The following GNG5 variants were observed in gnomAD, a reference collection of about 807,000 sequenced individuals.
GNG5 encodes the protein G protein subunit gamma 5, also known as guanine nucleotide-binding protein G(I)/G(S)/G(O) subunit gamma-5.
Under a neutral mutation model 6.2 loss-of-function variants are expected in GNG5, and 2 were observed. The observed-to-expected ratio is 0.32, with a 90% CI of 0.13 to 1.01. The LOEUF (loss-of-function observed/expected upper bound fraction) is 1.01. Among genes scored for constraint, GNG5 ranks in the 50% least tolerant of loss-of-function variants. The probability of loss-of-function intolerance (pLI) is 0.48; values close to 1 mark genes in which losing one functional copy is unlikely to be tolerated. For missense variants in GNG5, 57 were observed against 80.2 expected (o/e 0.71, Z 1.10); for synonymous variants, 24 against 33.0 (o/e 0.73, Z 0.93).
intron 2 of GNG5, among the ~76,000 whole-genome samples, chr1:84,505,780 C>T (rs1036889368): frequency 1.3e-5 from 2 of 152,208 alleles, no homozygotes; most frequent in Non-Finnish European, 2.9e-5. Context: ...CAGCCCGCCT[C>T]GGAAAGTCCT....
chr1:84,503,242 TCA>T (rs1682092753), intron 2 of GNG5, among the ~76,000 whole-genome samples: 1 of 152,246 alleles, frequency 6.6e-6, no homozygotes, highest in African/African-American at 2.4e-5. Context: ...TATTTTATTC[TCA>T]GTCTTTATCC....
Position 84,501,870 on chromosome 1 carries a change from G to A in GNG5, c.182C>T (p.Pro61Leu), listed in dbSNP as rs752734195. 1 of 1,608,754 alleles carries A rather than the reference G, an allele frequency of 6.2e-7. No homozygotes were observed. The highest frequency in any genetic ancestry group is 8.5e-7 in the Non-Finnish European group (1 of 1,175,458). ...CTACAAAAAGGAACAGACTTTCTGGGGTCTGAAGGGATTTGTACTTGAAGA... is the reference window on the plus strand; with the variant it reads ...CTACAAAAAGGAACAGACTTTCTGGAGTCTGAAGGGATTTGTACTTGAAGA... ...GVSSSTNPFR[P>L]QKVCSFL The change falls in exon 3 of 4, where the codon CCC becomes CTC. Residue 61 changes from proline to leucine, a missense_variant. Transcript: ENST00000370645.
chr1:84,501,981 CAA>C lies in GNG5; in HGVS notation c.82-13_82-12del, dbSNP rs1398026477. 3 of 1,606,896 alleles carry C rather than the reference CAA, an allele frequency of 1.9e-6. No individual in the cohort carries two copies. The highest frequency in any genetic ancestry group is 2.6e-6 in the Non-Finnish European group (3 of 1,174,500). ...AGCTGCCTGGGAAACCTATACATAA[CAA>C]AGAGGGGGGGAAGTGCCAGATGGTG... is the stretch of plus-strand genomic sequence containing the variant. On this transcript the variant is annotated splice_polypyrimidine_tract_variant and intron_variant, in intron 2 of 3. Transcript: ENST00000370645.
chr1:84,501,810 A>T lies in GNG5; in HGVS notation c.*19+16T>A. On this transcript the variant is annotated intron_variant, in intron 3 of 3. Coordinates refer to ENST00000370645, the MANE Select transcript of GNG5 (RefSeq NM_005274.3). ...CCTACAGTGTGGGTTTTTGTTTTAA[A>T]TTTAAGGAAACTTACCTTTGAAAGA... is the stretch of plus-strand genomic sequence containing the variant. 6.4e-7 allele frequency: 1 copy of T among 1,557,834 alleles called. No individual in the cohort carries two copies. The highest frequency in any genetic ancestry group is 8.8e-7 in the Non-Finnish European group (1 of 1,132,010).
Position 84,505,999 on chromosome 1 carries a change from G to T in GNG5, c.81+12C>A. On this transcript the variant is annotated intron_variant, in intron 2 of 3. Transcript: ENST00000370645. ...CGCCTTCCTCCCGCCTCGGCCGCCC[G>T]CCCCCGCTCACTTTTACGCGGTTGA... The T allele has an allele frequency of 6.7e-7, 1 of 1,498,600 alleles. No homozygotes were observed. The highest frequency in any genetic ancestry group is 2.8e-5 in the East Asian group (1 of 35,192). 92.8% of individuals were successfully genotyped at this position (1,498,600 alleles called of 1,614,324 possible).
chr1:84,502,170 C>T (rs1206022353), intron 2 of GNG5, among the ~76,000 whole-genome samples, 200 bp from the exon 3 acceptor site: 2 of 128,772 alleles, frequency 1.6e-5, no homozygotes, highest in Non-Finnish European at 3.1e-5. Context: ...CGGAGTCTCA[C>T]TCTGTTGCCA....
rs981295892 is a variant in GNG5 at position 84,506,168 on chromosome 1, G to T, written c.-77C>A. On this transcript the variant is annotated 5_prime_UTR_variant, in exon 2 of 4. Coordinates refer to ENST00000370645, the MANE Select transcript of GNG5 (RefSeq NM_005274.3). ...GGTCGGCGGGGCCAGACAACTCAGCGGCGCGCGGCGGGGGCGGGGCTCCGA... is the reference window on the plus strand; with the variant it reads ...GGTCGGCGGGGCCAGACAACTCAGCTGCGCGCGGCGGGGGCGGGGCTCCGA... 4.2e-6 allele frequency: 5 copies of T among 1,201,022 alleles called. No individual in the cohort carries two copies. Among genetic ancestry groups the T allele is most frequent in the South Asian group, 3.0e-5 (2 of 66,232 alleles). The allele number at this position is 1,201,022 out of a possible 1,614,324, so 74.4% of individuals were successfully genotyped here.
intron 3 of GNG5, among the ~76,000 whole-genome samples, chr1:84,500,417 A>G (rs1234383442): frequency 6.6e-6 from 1 of 152,216 alleles, no homozygotes. Flanking sequence ...CAATTCATTT[A>G]AACACTTATC....
rs1191970211 is a variant in GNG5, at chr1:84,501,835, AT to A, written c.*9del. On this transcript the variant is annotated 3_prime_UTR_variant, in exon 3 of 4. Transcript: ENST00000370645. ...ATTTAAGGAAACTTACCTTTGAAAG[AT>A]TCATTTTACTACAAAAAGGAACAGA... The A allele has an allele frequency of 1.2e-6, 2 of 1,603,460 alleles. No individual in the cohort carries two copies. The highest frequency in any genetic ancestry group is 1.7e-5 in the Admixed American group (1 of 59,808).
rs769968099 is a variant in GNG5, at chr1:84,506,098, C to T, written c.-7G>A. ...CGCTGGAGGAGCCAGACATGGTGCACGCGACGGCCGGGCCGATTCGTGGGT... is the reference window on the plus strand; with the variant it reads ...CGCTGGAGGAGCCAGACATGGTGCATGCGACGGCCGGGCCGATTCGTGGGT... On this transcript the variant is annotated 5_prime_UTR_variant, in exon 2 of 4. In the 5' UTR this introduces an upstream ATG that the reference lacks. Coordinates refer to ENST00000370645, the MANE Select transcript of GNG5 (RefSeq NM_005274.3). The T allele has an allele frequency of 1.6e-5, 25 of 1,572,050 alleles. No homozygotes were observed. Among genetic ancestry groups the T allele is most frequent in the South Asian group, 4.6e-5 (4 of 87,058 alleles).
At chr1:84,501,384 A>G (rs1056001955) in intron 3 of GNG5, among the ~76,000 whole-genome samples, 10 of 152,246 alleles carry the variant, frequency 6.6e-5, no homozygotes, top group South Asian at 2.1e-4. Context: ...AGTTAGAGCA[A>G]TAACATCAAG....
intron 2 of GNG5, among the ~76,000 whole-genome samples, chr1:84,505,202 G>A (rs1340621785): frequency 6.6e-6 from 1 of 152,204 alleles, no homozygotes; most frequent in Admixed American, 6.5e-5. Context: ...GCACTTGAAT[G>A]TCAAGTTATT....
intron 3 of GNG5, among the ~76,000 whole-genome samples, chr1:84,501,519 C>T (rs951417187): frequency 1.3e-5 from 2 of 152,136 alleles, no homozygotes; most frequent in African/African-American, 4.8e-5. Context: ...CTCCATTAGG[C>T]CAATGCTCTA....
In GNG5 at chr1:84,498,442, G is replaced by A. The variant is rs1681984475; in HGVS notation, c.*126C>T. ...TAGATGTTAAGGACTGACGAAAGTAGAAGTTTGTATATTATGGCACATGTG... is the reference window on the plus strand; with the variant it reads ...TAGATGTTAAGGACTGACGAAAGTAAAAGTTTGTATATTATGGCACATGTG... On this transcript the variant is annotated 3_prime_UTR_variant, in exon 4 of 4. Coordinates refer to ENST00000370645, the MANE Select transcript of GNG5 (RefSeq NM_005274.3). The A allele has an allele frequency of 6.5e-6, 1 of 152,684 alleles. No individual in the cohort carries two copies. The highest frequency in any genetic ancestry group is 1.5e-5 in the Non-Finnish European group (1 of 68,016). The allele number at this position is 152,684 out of a possible 1,614,324, so 9.5% of individuals were successfully genotyped here. A position where few individuals can be genotyped will look rare whatever the true frequency, so the allele number is the denominator to read the frequency against.
chr1:84,502,635 A>T (rs1325589599), intron 2 of GNG5, among the ~76,000 whole-genome samples: 1 of 152,218 alleles, frequency 6.6e-6, no homozygotes, highest in African/African-American at 2.4e-5. Flanking sequence ...CATCTTATTA[A>T]AAACATTAAG....
At chr1:84,502,064 A>T in intron 2 of GNG5, 94 bp from the exon 3 acceptor site, 7 of 866,086 alleles carry the variant, frequency 8.1e-6, no homozygotes, top group Non-Finnish European at 1.3e-5. Context: ...TTACAATAAA[A>T]CAGTACTTCT....
Position 84,506,190 on chromosome 1 carries a change from C to A in GNG5, c.-99G>T, listed in dbSNP as rs893808289. On this transcript the variant is annotated 5_prime_UTR_variant, in exon 2 of 4. Transcript: ENST00000370645. ...AGCGGCGCGCGGCGGGGGCGGGGCT[C>A]CGAACTTTGTCTCTAAGTTTCCGGT... The A allele has an allele frequency of 1.1e-6, 1 of 932,254 alleles. No individual in the cohort carries two copies. The highest frequency in any genetic ancestry group is 3.2e-5 in the Admixed American group (1 of 30,840). 57.7% of individuals were successfully genotyped at this position (932,254 alleles called of 1,614,324 possible). A position where few individuals can be genotyped will look rare whatever the true frequency, so the allele number is the denominator to read the frequency against.
chr1:84,506,214 G>A lies in GNG5; in HGVS notation c.-123C>T. The A allele has an allele frequency of 4.3e-6, 3 of 705,522 alleles. No homozygotes were observed. The highest frequency in any genetic ancestry group is 6.5e-6 in the Non-Finnish European group (3 of 463,920). 43.7% of individuals were successfully genotyped at this position (705,522 alleles called of 1,614,324 possible). On this transcript the variant is annotated 5_prime_UTR_variant, in exon 2 of 4. Coordinates refer to ENST00000370645, the MANE Select transcript of GNG5 (RefSeq NM_005274.3). ...TCCGAACTTTGTCTCTAAGTTTCCG[G>A]TTCTGTGCTCAGCGGCTCCACCCTC...
At chr1:84,505,942 C>G in intron 2 of GNG5, 69 bp downstream of exon 2, 1 of 1,135,566 alleles carries the variant, frequency 8.8e-7, no homozygotes, top group Non-Finnish European at 1.2e-6. Flanking sequence ...CCGCCCCCGC[C>G]AGCTGGGCCG....
Sources: gnomAD v4.1 joint callset for allele counts (sites outside exome capture counted in the v4.1 genomes callset) on GRCh38, gnomAD v4.1.1 for gene constraint, MANE v1.5 for transcripts, NCBI Gene and HGNC (gene_info 2026-07-23, HGNC 2026-07-21) for gene names.